The following CRADD variants were observed in gnomAD, a reference collection of about 807,000 sequenced individuals.
The protein encoded by CRADD is death domain-containing protein CRADD.
CRADD carries 9 observed loss-of-function variants against 15.5 expected under a neutral mutation model. That is an observed-to-expected ratio of 0.58 (90% confidence interval 0.35 to 1.01). The LOEUF is 1.01. Among genes scored for constraint, CRADD ranks in the 50% least tolerant of loss-of-function variants. The pLI is 0.02. For missense variants in CRADD, 227 were observed against 250.3 expected, an observed-to-expected ratio of 0.91 and a Z score of 0.63; for synonymous variants, 118 against 107.6, an observed-to-expected ratio of 1.10 and a Z score of -0.60.
chr12:93,788,187 T>C (rs1438491093), intron 2 of CRADD, among the ~76,000 whole-genome samples: 1 of 152,188 alleles, frequency 6.6e-6, no homozygotes, highest in Admixed American at 6.5e-5. Context: ...ACTCACAGTT[T>C]CTCAGGCTGG....
intron 2 of CRADD, among the ~76,000 whole-genome samples, chr12:93,750,872 G>C: frequency 6.6e-6 from 1 of 152,154 alleles, no homozygotes; most frequent in African/African-American, 2.4e-5. Flanking sequence ...ATTATAGTAT[G>C]ATAGAGAGGT....
chr12:93,861,978 T>C (rs539804443), intron 2 of CRADD, among the ~76,000 whole-genome samples: 2 of 152,226 alleles, frequency 1.3e-5, no homozygotes, highest in East Asian at 3.9e-4. Flanking sequence ...TTTCTCGTGG[T>C]AGTGAGTAAG....
intron 2 of CRADD, among the ~76,000 whole-genome samples, chr12:93,809,027 G>C (rs913482624): frequency 2.6e-5 from 4 of 152,044 alleles, no homozygotes; most frequent in Non-Finnish European, 4.4e-5. Context: ...CGATTCTCCT[G>C]CCTCAGCCTT....
rs1364783529 is a variant in CRADD at position 93,679,072 on chromosome 12, G to A, written c.298G>A (p.Gly100Ser). 5 of 1,610,592 alleles carry A rather than the reference G, an allele frequency of 3.1e-6. No individual in the cohort carries two copies. In the Admixed American group the frequency reaches 8.4e-5, roughly 27 times the overall value. ...AGAGGCCATGACCGACCTGCCTGCA[G>A]GTAGGCCTCAGAAAGATCACTTTGA... ...REEAMTDLPAGDRLTGIPSHI... is the reference protein window; with the variant it reads ...REEAMTDLPASDRLTGIPSHI... Residue 100 changes from glycine to serine, a missense_variant and splice_region_variant, in exon 2 of 3, where the codon GGT becomes AGT. Coordinates refer to ENST00000332896, the MANE Select transcript of CRADD (RefSeq NM_003805.5).
chr12:93,838,830 T>C (rs1958014023), intron 2 of CRADD, among the ~76,000 whole-genome samples: 1 of 151,912 alleles, frequency 6.6e-6, no homozygotes, highest in Non-Finnish European at 1.5e-5. Context: ...ACAATCAGGG[T>C]TCACTGCAGC....
rs763642910 is a variant in CRADD at position 93,678,818 on chromosome 12, A to G, written c.44A>G (p.Glu15Gly). The G allele has an allele frequency of 6.2e-7, 1 of 1,614,140 alleles. No individual in the cohort carries two copies. The highest frequency in any genetic ancestry group is 1.1e-5 in the South Asian group (1 of 91,082). Residue 15 changes from glutamate to glycine, a missense_variant, in exon 2 of 3, where the codon GAG (glutamate) becomes GGG (glycine). Coordinates refer to ENST00000332896, the MANE Select transcript of CRADD (RefSeq NM_003805.5). ...DKQVLRSLRL[E>G]LGAEVLVEGL... ...CAAGTACTCCGCTCACTTCGCCTGG[A>G]GCTGGGTGCAGAGGTATTGGTGGAG...
At chr12:93,751,985 T>C (rs1261438945) in intron 2 of CRADD, among the ~76,000 whole-genome samples, 3 of 152,254 alleles carry the variant, frequency 2.0e-5, no homozygotes, top group Admixed American at 6.5e-5. Context: ...CTGTAGTTAC[T>C]TAAGGGTGGA....
chr12:93,833,595 C>T (rs1957935195), intron 2 of CRADD, among the ~76,000 whole-genome samples: 3 of 152,190 alleles, frequency 2.0e-5, no homozygotes, highest in African/African-American at 7.2e-5. Context: ...ACCCTCCCCC[C>T]TTGGCCTTCC....
chr12:93,736,213 A>G (rs1417142192), intron 2 of CRADD, among the ~76,000 whole-genome samples: 1 of 152,208 alleles, frequency 6.6e-6, no homozygotes, highest in East Asian at 1.9e-4. Context: ...TCAAAGCAGA[A>G]TCATGGCAAT....
At chr12:93,756,589 C>G (rs763602217) in intron 2 of CRADD, among the ~76,000 whole-genome samples, 3 of 152,202 alleles carry the variant, frequency 2.0e-5, no homozygotes. Context: ...CTGCTGCATC[C>G]TCAGCATCCA....
intron 2 of CRADD, among the ~76,000 whole-genome samples, chr12:93,840,004 T>C (rs1279646249): frequency 6.6e-6 from 1 of 152,254 alleles, no homozygotes; most frequent in Non-Finnish European, 1.5e-5. Flanking sequence ...TTTATAGTTT[T>C]ACCTTTTACC....
chr12:93,805,971 AAAG>A (rs1199031231), intron 2 of CRADD, among the ~76,000 whole-genome samples: 2 of 152,180 alleles, frequency 1.3e-5, no homozygotes, highest in African/African-American at 2.4e-5. Flanking sequence ...CTGTTGAAGG[AAAG>A]AAGAACAATA....
At chr12:93,852,703 G>C (rs924941206), downstream of CRADD, among the ~76,000 whole-genome samples, 1 of 152,210 alleles carries the variant, frequency 6.6e-6, no homozygotes, top group African/African-American at 2.4e-5. Context: ...TTGTATGGGA[G>C]AAGATTCTAC....
chr12:93,842,672 G>T (rs914119446), intron 2 of CRADD, among the ~76,000 whole-genome samples: 1 of 152,086 alleles, frequency 6.6e-6, no homozygotes, highest in Non-Finnish European at 1.5e-5. Flanking sequence ...TTTTAGTTTT[G>T]AGGCCAAAAC....
chr12:93,762,645 A>C (rs532405755), intron 2 of CRADD, among the ~76,000 whole-genome samples: 16 of 152,318 alleles, frequency 1.1e-4, no homozygotes, highest in African/African-American at 3.8e-4. Flanking sequence ...ACATATGCTC[A>C]AGTTAAAAAT....
chr12:93,776,719 ATTAT>A (rs1486346522), intron 2 of CRADD, among the ~76,000 whole-genome samples: 4 of 152,260 alleles, frequency 2.6e-5, no homozygotes, highest in Non-Finnish European at 5.9e-5. Flanking sequence ...ACAATGGAGT[ATTAT>A]TCAGTAATAA....
chr12:93,684,459 C>T lies in CRADD; in HGVS notation c.298+5387C>T, dbSNP rs565631951. On this transcript the variant is annotated intron_variant, in intron 2 of 2. Transcript: ENST00000332896. ...GAGGAGGAGCTCAGGTGGTAATCCT[C>T]GCTTGCCTGCCACTTACCTCCTGCT... 2.6e-5 allele frequency among the ~76,000 whole-genome samples: 4 copies of T among 152,280 alleles called. No homozygotes were observed. The East Asian group carries it at 5.8e-4, about 22-fold the overall frequency.
chr12:93,834,130 AC>A (rs939478738), intron 2 of CRADD, among the ~76,000 whole-genome samples: 1 of 152,166 alleles, frequency 6.6e-6, no homozygotes, highest in Non-Finnish European at 1.5e-5. Context: ...CACAGCCCTT[AC>A]CCCCATGGGC....
At chr12:93,748,846 G>A (rs368615622) in intron 2 of CRADD, among the ~76,000 whole-genome samples, 3 of 152,344 alleles carry the variant, frequency 2.0e-5, no homozygotes, top group Admixed American at 2.0e-4. Flanking sequence ...CTTACCCAGA[G>A]CTGTTCACAG....
Sources: gnomAD v4.1 joint callset for allele counts (sites outside exome capture counted in the v4.1 genomes callset) on GRCh38, gnomAD v4.1.1 for gene constraint, MANE v1.5 for transcripts, NCBI Gene and HGNC (gene_info 2026-07-23, HGNC 2026-07-21) for gene names.